The following CCDC60 variants were observed in gnomAD, a reference collection of about 807,000 sequenced individuals.
CCDC60 encodes the protein coiled-coil domain containing 60.
A neutral mutation model predicts 63.5 loss-of-function variants in CCDC60; 54 were observed. That is an observed-to-expected ratio of 0.85 (90% CI 0.68 to 1.07). CCDC60 has a LOEUF of 1.07. Ranked by LOEUF, CCDC60 falls within the 50% of genes least tolerant of loss-of-function variation. CCDC60 has a pLI of 0.00. For missense variants in CCDC60, 651 were observed against 684.3 expected (o/e 0.95, Z 0.54); for synonymous variants, 206 against 238.8 (o/e 0.86, Z 1.27).
chr12:119,483,077 A>G (rs1000233613), intron 4 of CCDC60, among the ~76,000 whole-genome samples: 4 of 152,166 alleles, frequency 2.6e-5, no homozygotes, highest in African/African-American at 7.2e-5. Context: ...CTCAGAATGA[A>G]CACAGTTACC....
At position 119,516,613 on chromosome 12, in the gene CCDC60, T is replaced by A; in HGVS notation, c.884-10T>A. 6.2e-7 allele frequency: 1 copy of A among 1,607,198 alleles called. No individual in the cohort carries two copies. Among genetic ancestry groups the A allele is most frequent in the East Asian group, 2.2e-5 (1 of 44,814 alleles). On this transcript the variant is annotated splice_polypyrimidine_tract_variant and intron_variant, in intron 7 of 13. Transcript: ENST00000327554. The stretch of plus-strand genomic sequence containing the variant: ...TTCTGGTCAAGGGTGACCTCTCATA[T>A]TCTCATCAGATCTGCAGAAGCTCCT...
chr12:119,424,180 A>T (rs1168240911), intron 1 of CCDC60, among the ~76,000 whole-genome samples: 1 of 152,168 alleles, frequency 6.6e-6, no homozygotes, highest in Non-Finnish European at 1.5e-5. Context: ...TTAAAACCTA[A>T]TTTGTATCAG....
At chr12:119,489,315 T>A (rs1951529746) in intron 5 of CCDC60, among the ~76,000 whole-genome samples, 1 of 152,224 alleles carries the variant, frequency 6.6e-6, no homozygotes. Flanking sequence ...GTTTTTGTTT[T>A]TATCCTTTCT....
chr12:119,472,745 T>G (rs1951093561), intron 3 of CCDC60, among the ~76,000 whole-genome samples: 1 of 151,920 alleles, frequency 6.6e-6, no homozygotes, highest in African/African-American at 2.4e-5. Context: ...CACGCCTGGC[T>G]AATTTTTTTG....
intron 13 of CCDC60, among the ~76,000 whole-genome samples, chr12:119,540,365 CA>C (rs1953124709): frequency 1.3e-5 from 2 of 152,156 alleles, no homozygotes; most frequent in African/African-American, 4.8e-5. Context: ...CTGTCCTCCC[CA>C]AATTTCCTTG....
At chr12:119,387,052 A>T (rs1301250643) in intron 1 of CCDC60, among the ~76,000 whole-genome samples, 28 of 148,004 alleles carry the variant, frequency 1.9e-4, no homozygotes, top group Non-Finnish European at 3.6e-4. Context: ...ACACACACAC[A>T]CACACACACA....
rs74585471 is a variant in CCDC60 at position 119,460,668 on chromosome 12, G to A, written c.171-11326G>A. Among the ~76,000 whole-genome samples, 156 of 152,262 alleles carry A rather than the reference G, an allele frequency of 1.0e-3. 4 individuals carry two copies. In the East Asian group the frequency reaches 0.025, roughly 24 times the overall value. Reference sequence around the variant, plus strand: ...GGTCCGTTGTGGATTTTGTTCACACGGACCCAGCTGAGAAAGCTCATTTTA... The same window carrying A: ...GGTCCGTTGTGGATTTTGTTCACACAGACCCAGCTGAGAAAGCTCATTTTA... On this transcript the variant is annotated intron_variant, in intron 2 of 13. Transcript: ENST00000327554.
chr12:119,457,663 T>C (rs1950772491), intron 2 of CCDC60, among the ~76,000 whole-genome samples: 1 of 152,160 alleles, frequency 6.6e-6, no homozygotes, highest in Non-Finnish European at 1.5e-5. Context: ...TCATTAGCAC[T>C]CAGGAAATAG....
At chr12:119,384,684 G>A (rs966339321) in intron 1 of CCDC60, among the ~76,000 whole-genome samples, 3 of 152,166 alleles carry the variant, frequency 2.0e-5, no homozygotes, top group Non-Finnish European at 4.4e-5. Context: ...AGCTGCAAGG[G>A]GCTGGTCCTG....
chr12:119,374,848 C>T (rs1955935004), intron 1 of CCDC60, among the ~76,000 whole-genome samples: 1 of 152,132 alleles, frequency 6.6e-6, no homozygotes, highest in Admixed American at 6.5e-5. Flanking sequence ...TGGTTGTTGC[C>T]TTGGCATTTG....
intron 1 of CCDC60, among the ~76,000 whole-genome samples, chr12:119,386,579 A>G (rs1322486266): frequency 6.6e-6 from 1 of 151,956 alleles, no homozygotes; most frequent in African/African-American, 2.4e-5. Context: ...AAAGGTGCAC[A>G]TCTTTAGGAG....
chr12:119,507,388 A>G (rs1357734965), intron 7 of CCDC60, among the ~76,000 whole-genome samples: 2 of 150,922 alleles, frequency 1.3e-5, no homozygotes, highest in African/African-American at 4.9e-5. Flanking sequence ...AGAAACTAAG[A>G]TAGACCATCA....
chr12:119,369,455 C>T (rs995169083), intron 1 of CCDC60, among the ~76,000 whole-genome samples: 4 of 152,112 alleles, frequency 2.6e-5, no homozygotes, highest in Non-Finnish European at 5.9e-5. Context: ...TGCAGAGTGC[C>T]AGAGATTCAG....
At chr12:119,512,577 A>G (rs1952243436) in intron 7 of CCDC60, among the ~76,000 whole-genome samples, 1 of 152,236 alleles carries the variant, frequency 6.6e-6, no homozygotes, top group African/African-American at 2.4e-5. Flanking sequence ...ATGGGAAGAT[A>G]GCATTCTTCC....
intron 1 of CCDC60, among the ~76,000 whole-genome samples, chr12:119,351,377 C>T (rs1225648684): frequency 6.6e-6 from 1 of 152,140 alleles, no homozygotes; most frequent in Non-Finnish European, 1.5e-5. Context: ...AGTCCATTCT[C>T]ACATTGCTAT....
intron 1 of CCDC60, among the ~76,000 whole-genome samples, chr12:119,373,714 TC>T (rs1173516389): frequency 7.3e-5 from 11 of 149,796 alleles, no homozygotes; most frequent in Non-Finnish European, 1.5e-4. Flanking sequence ...ATGGGGGGCG[TC>T]CCCCTTCATT....
chr12:119,523,673 C>T lies in CCDC60; in HGVS notation c.1104-20C>T, dbSNP rs1189099544. The T allele has an allele frequency of 5.0e-6, 8 of 1,613,396 alleles. No homozygotes were observed. Among genetic ancestry groups the T allele is most frequent in the Non-Finnish European group, 6.8e-6 (8 of 1,179,730 alleles). ...ATCCCTGGGCTCCATTCCCCAAGCC[C>T]TTCTTATCTGTGTCCACAGCCGCAC... On this transcript the variant is annotated intron_variant, in intron 10 of 13. Coordinates refer to ENST00000327554, the MANE Select transcript of CCDC60 (RefSeq NM_178499.5).
At chr12:119,366,982 G>A (rs1345791509) in intron 1 of CCDC60, among the ~76,000 whole-genome samples, 2 of 152,062 alleles carry the variant, frequency 1.3e-5, no homozygotes, top group African/African-American at 2.4e-5. Context: ...ACAGGCACCC[G>A]CCACCATGCC....
In CCDC60 at chr12:119,369,709, G is replaced by A. The variant is rs149790161; in HGVS notation, c.90+34443G>A. The stretch of plus-strand genomic sequence containing the variant: ...GATGTTAGGAGGATGTAATTAGCTC[G>A]TGGGGTTGTTAGGAGGTTAATGTGT... On this transcript the variant is annotated intron_variant, in intron 1 of 13. Coordinates refer to ENST00000327554, the MANE Select transcript of CCDC60 (RefSeq NM_178499.5). Among the ~76,000 whole-genome samples, 19 of 152,274 alleles carry A rather than the reference G, an allele frequency of 1.2e-4. No individual in the cohort carries two copies. In the South Asian group the frequency reaches 2.3e-3, roughly 18 times the overall value.
Sources: gnomAD v4.1 joint callset for allele counts (sites outside exome capture counted in the v4.1 genomes callset) on GRCh38, gnomAD v4.1.1 for gene constraint, MANE v1.5 for transcripts, NCBI Gene and HGNC (gene_info 2026-07-23, HGNC 2026-07-21) for gene names.